Variants in NONO observed in about 807,000 individuals in gnomAD.
NONO encodes non-POU domain-containing octamer-binding protein.
NONO carries 6 observed loss-of-function variants against 40.2 expected under a neutral mutation model. The observed-to-expected ratio is 0.15, with a 90% confidence interval of 0.08 to 0.29. The LOEUF (loss-of-function observed/expected upper bound fraction) is 0.29, where lower values mean the gene tolerates loss of function less well. Among genes scored for constraint, NONO ranks in the 10% least tolerant of loss-of-function variants. The pLI, the probability that NONO is intolerant of heterozygous loss-of-function variation, is 1.00. For missense variants in NONO, 133 were observed against 397.8 expected (o/e 0.33, Z 5.66); for synonymous variants, 89 against 123.3 (o/e 0.72, Z 1.85).
Position 71,300,247 on chromosome X carries a change from A to G in NONO, c.*171A>G. The G allele has an allele frequency of 1.9e-6, 1 of 513,993 alleles. No homozygotes were observed. The highest frequency in any genetic ancestry group is 3.3e-6 in the Non-Finnish European group (1 of 306,194). 42.4% of individuals were successfully genotyped at this position (513,993 alleles called of 1,213,427 possible). On this transcript the variant is annotated 3_prime_UTR_variant, in exon 12 of 12. Coordinates refer to ENST00000276079, the MANE Select transcript of NONO (RefSeq NM_007363.5). The stretch of plus-strand genomic sequence containing the variant: ...CAGAGGGCAAGGGAGGGGTGGTATT[A>G]AACAAGTCAATTCTGTGTGGTATAT...
At chrX:71,287,401 C>G (rs1055758000) in intron 2 of NONO, among the ~76,000 whole-genome samples, 1 of 109,344 alleles carries the variant, frequency 9.1e-6, no homozygotes, top group African/African-American at 3.3e-5. Flanking sequence ...TTTTTGAGAC[C>G]AAGTCTCACT....
At chrX:71,285,174 C>A (rs772777581) in intron 2 of NONO, 1 of 112,291 alleles carries the variant, frequency 8.9e-6, no homozygotes, top group African/African-American at 3.2e-5. Flanking sequence ...TCCTGGGCCT[C>A]TCCGGGGCCA....
chrX:71,289,643 C>T (rs921493755), intron 2 of NONO, among the ~76,000 whole-genome samples: 1 of 111,181 alleles, frequency 9.0e-6, no homozygotes, highest in Non-Finnish European at 1.9e-5. Flanking sequence ...TCTTGGTTGC[C>T]CAGGCTGGAG....
intron 2 of NONO, among the ~76,000 whole-genome samples, chrX:71,288,836 T>C (rs966655481): frequency 8.9e-6 from 1 of 112,747 alleles, no homozygotes; most frequent in African/African-American, 3.2e-5. Flanking sequence ...GAGACAGGTA[T>C]TTTTATCATC....
intron 2 of NONO, among the ~76,000 whole-genome samples, chrX:71,288,071 C>T (rs1374512805): frequency 1.5e-5 from 1 of 67,749 alleles, no homozygotes; most frequent in African/African-American, 5.4e-5. Flanking sequence ...TCTTTTTAAT[C>T]TTATGTTGAT....
chrX:71,288,510 G>A (rs2031252680), intron 2 of NONO, among the ~76,000 whole-genome samples: 2 of 111,870 alleles, frequency 1.8e-5, no homozygotes, highest in African/African-American at 6.5e-5. Context: ...TCCTGGCTCA[G>A]CCTCCTGAGT....
intron 1 of NONO, chrX:71,284,021 C>G (rs372762685): frequency 2.7e-5 from 3 of 111,743 alleles, no homozygotes; most frequent in Non-Finnish European, 1.9e-5. Flanking sequence ...GCCCTGGGCC[C>G]GACGGTGTGG....
Position 71,298,739 on chromosome X carries a change from C to T in NONO, c.1204C>T (p.Pro402Ser), listed in dbSNP as rs1177832979. Residue 402 changes from proline (P) to serine (S), a missense_variant, in exon 11 of 12, where the codon CCC (proline) becomes TCC (serine). By Grantham distance (74) the Pro-to-Ser change is moderately conservative. Transcript: ENST00000276079. ...AMGINNRGAM[P>S]PAPVPAGTPA... ...GGGCATAAACAACAGAGGTGCCATG[C>T]CCCCTGCTCCTGTGCCAGCTGGTAC... 8.3e-7 allele frequency: 1 copy of T among 1,209,038 alleles called. No individual in the cohort carries two copies. The highest frequency in any genetic ancestry group is 1.1e-6 in the Non-Finnish European group (1 of 893,812).
At chrX:71,299,801 C>G in intron 11 of NONO, 141 bp from the exon 12 acceptor site, 1 of 727,129 alleles carries the variant, frequency 1.4e-6, no homozygotes, top group African/African-American at 2.1e-5. Flanking sequence ...GAGTTCTAAA[C>G]AGACTTAGTC....
At chrX:71,293,935 T>G (rs994355744) in intron 4 of NONO, 6 of 300,234 alleles carry the variant, frequency 2.0e-5, no homozygotes, top group Non-Finnish European at 3.5e-5. Context: ...CGGCCAATGG[T>G]CTTTGTTTTC....
At chrX:71,297,729 G>C in intron 8 of NONO, 107 bp from the exon 9 acceptor site, 4 of 605,584 alleles carry the variant, frequency 6.6e-6, no homozygotes, top group Non-Finnish European at 1.0e-5. Flanking sequence ...TGAGTTTCCT[G>C]GTGAACTGAT....
At position 71,296,634 on chromosome X, in the gene NONO, G is replaced by C; in HGVS notation, c.720G>C (p.Leu240=). 8.3e-7 allele frequency: 1 copy of C among 1,200,967 alleles called. No homozygotes were observed. The highest frequency in any genetic ancestry group is 1.1e-6 in the Non-Finnish European group (1 of 888,400). ...LDDEEGLPEK[L]VIKNQQFHKE... ...ATGAAGAGGGACTTCCAGAGAAGCT[G>C]GTTATAAAAAACCAGCAATTTCACA... Residue 240 remains leucine, a synonymous_variant, in exon 6 of 12, where the codon CTG becomes CTC. Coordinates refer to ENST00000276079, the MANE Select transcript of NONO (RefSeq NM_007363.5).
rs1251644908 is a variant in NONO, at chrX:71,297,037, A to C, written c.933A>C (p.Leu311=). 8.4e-7 allele frequency: 1 copy of C among 1,193,781 alleles called. No homozygotes were observed. Among genetic ancestry groups the C allele is most frequent in the Non-Finnish European group, 1.1e-6 (1 of 885,564 alleles). The change falls in exon 7 of 12, where the codon CTA becomes CTC. Residue 311 remains leucine (L), a synonymous_variant. Transcript: ENST00000276079. ...CACGCCATGAGCACCAGGTCATGCTAATGAGACAGGGTGAGTCTAGGCCTG... is the reference window on the plus strand; with the variant it reads ...CACGCCATGAGCACCAGGTCATGCTCATGAGACAGGGTGAGTCTAGGCCTG... ...EAARHEHQVM[L]MRQDLMRRQE...
At position 71,291,591 on chromosome X, in the gene NONO, C is replaced by T. The variant is rs186091513; in HGVS notation, c.155-188C>T. On this transcript the variant is annotated intron_variant, in intron 3 of 11. Transcript: ENST00000276079. ...GCCCGTCGTAGAGCTGTTCAGATGT[C>T]CTCTGCATACTGCTTTCACATTCTA... Among the ~76,000 whole-genome samples, 390 of 111,737 alleles carry T rather than the reference C, an allele frequency of 3.5e-3. 1 individual carries two copies. The highest frequency in any genetic ancestry group is 0.012 in the African/African-American group (363 of 30,809).
intron 2 of NONO, among the ~76,000 whole-genome samples, chrX:71,289,923 T>C (rs921534351): frequency 9.0e-6 from 1 of 111,002 alleles, no homozygotes; most frequent in African/African-American, 3.3e-5. Context: ...AGGCGCCCGC[T>C]ACCATTCCTG....
At chrX:71,295,552 G>A (rs968790078) in intron 5 of NONO, among the ~76,000 whole-genome samples, 7 of 110,531 alleles carry the variant, frequency 6.3e-5, no homozygotes, top group Admixed American at 5.8e-4. Flanking sequence ...CAACACTTCA[G>A]GAGGCTGAGG....
chrX:71,292,977 A>C (rs2031359150), intron 4 of NONO: 1 of 112,163 alleles, frequency 8.9e-6, no homozygotes, highest in African/African-American at 3.2e-5. Context: ...ATGATGGTAA[A>C]ACATACATAA....
At chrX:71,298,895 G>T in intron 11 of NONO, 79 bp downstream of exon 11, 1 of 768,479 alleles carries the variant, frequency 1.3e-6, no homozygotes, top group Non-Finnish European at 1.9e-6. Context: ...CAGCCCCTGG[G>T]GGCCTACCTC....
At chrX:71,298,314 T>G (rs779997997) in intron 9 of NONO, 155 bp from the exon 10 acceptor site, 1 of 521,408 alleles carries the variant, frequency 1.9e-6, no homozygotes, top group South Asian at 2.9e-5. Flanking sequence ...ACCTTGAATT[T>G]GTTGCACAAC....
Sources: gnomAD v4.1 joint callset for allele counts (sites outside exome capture counted in the v4.1 genomes callset) on GRCh38, gnomAD v4.1.1 for gene constraint, MANE v1.5 for transcripts, NCBI Gene and HGNC (gene_info 2026-07-23, HGNC 2026-07-21) for gene names.